The following DDX59 variants were observed in gnomAD, a reference collection of about 807,000 sequenced individuals.
DDX59 encodes DEAD-box helicase 59.
In DDX59, 30 loss-of-function variants were observed where a neutral mutation model predicts 51.9. The observed-to-expected ratio is 0.58, with a 90% CI of 0.43 to 0.78. The LOEUF is 0.78. Among genes scored for constraint, DDX59 ranks in the 30% least tolerant of loss-of-function variants. The pLI is 0.00. For synonymous variants in DDX59, 255 were observed against 253.3 expected (o/e 1.01, Z -0.06); for missense variants, 672 against 730.8 (o/e 0.92, Z 0.93).
chr1:200,660,576 G>A (rs999094500), intron 3 of DDX59, among the ~76,000 whole-genome samples: 2 of 151,806 alleles, frequency 1.3e-5, no homozygotes, highest in Admixed American at 6.6e-5. Context: ...AGGAGGATTG[G>A]TCAAATAAAT....
downstream of DDX59, among the ~76,000 whole-genome samples, chr1:200,643,363 G>A (rs1359928219): frequency 2.0e-5 from 3 of 152,132 alleles, no homozygotes; most frequent in Admixed American, 6.6e-5. Context: ...AAACAAGTAG[G>A]CCAGGCGTGG....
At chr1:200,654,197 A>T (rs1661857079) in intron 4 of DDX59, among the ~76,000 whole-genome samples, 1 of 152,114 alleles carries the variant, frequency 6.6e-6, no homozygotes, top group South Asian at 2.1e-4. Flanking sequence ...GCGGATCACG[A>T]GGTCAGGAGA....
intron 3 of DDX59, 123 bp from the exon 4 acceptor site, chr1:200,659,239 T>C: frequency 2.9e-6 from 2 of 684,102 alleles, no homozygotes; most frequent in Non-Finnish European, 2.6e-6. Flanking sequence ...AATTCAGTGA[T>C]GAATAAGCCA....
downstream of DDX59, among the ~76,000 whole-genome samples, chr1:200,641,643 C>G (rs961439011): frequency 5.9e-5 from 9 of 151,586 alleles, no homozygotes; most frequent in Middle Eastern, 3.4e-3. Flanking sequence ...CCAAGGTGGG[C>G]GGATCACCTG....
chr1:200,664,973 C>T (rs1045244500), intron 2 of DDX59, among the ~76,000 whole-genome samples: 6 of 152,214 alleles, frequency 3.9e-5, no homozygotes, highest in Non-Finnish European at 7.3e-5. Flanking sequence ...CTGTGCCCCG[C>T]CTTCCCCACA....
At chr1:200,667,702 A>G (rs1662862848) in intron 1 of DDX59, among the ~76,000 whole-genome samples, 2 of 152,212 alleles carry the variant, frequency 1.3e-5, no homozygotes, top group Admixed American at 1.3e-4. Context: ...GCCACAAATC[A>G]TAGAGAAAAT....
chr1:200,649,562 G>C (rs1661515836), intron 5 of DDX59, among the ~76,000 whole-genome samples: 1 of 144,558 alleles, frequency 6.9e-6, no homozygotes, highest in Admixed American at 7.1e-5. Context: ...CTGAGAGGTA[G>C]AGGTTGCAGT....
Position 200,644,331 on chromosome 1 carries a change from T to C in DDX59, c.1783A>G (p.Thr595Ala). The C allele has an allele frequency of 3.7e-6, 6 of 1,613,802 alleles. No homozygotes were observed. Among genetic ancestry groups the C allele is most frequent in the Non-Finnish European group, 5.1e-6 (6 of 1,179,874 alleles). The change falls in exon 8 of 8, where the codon ACA becomes GCA. Residue 595 changes from threonine (T) to alanine (A), a missense_variant. Physicochemically the swap from Thr to Ala is moderately conservative, Grantham distance 58. Transcript: ENST00000331314. ...KRKEQQKDKQ[T>A]QNDLVTGANL... ...GCTCCTGTAACCAGATCATTCTGTG[T>C]CTGTTTATCTTTCTGTTGTTCCTTT...
Position 200,644,076 on chromosome 1 carries a change from T to C in DDX59, c.*178A>G. The stretch of plus-strand genomic sequence containing the variant: ...CACTGTCTTTTATTTAATAATTCAT[T>C]TTCTGATGTTTTTAATTTATAAGAA... On this transcript the variant is annotated 3_prime_UTR_variant, in exon 8 of 8. Transcript: ENST00000331314. The C allele has an allele frequency of 8.9e-6, 5 of 559,012 alleles. No individual in the cohort carries two copies. Among genetic ancestry groups the C allele is most frequent in the Non-Finnish European group, 1.2e-5 (5 of 422,916 alleles). The allele number at this position is 559,012 out of a possible 1,614,324, so 34.6% of individuals were successfully genotyped here. A position where few individuals can be genotyped will look rare whatever the true frequency, so the allele number is the denominator to read the frequency against.
chr1:200,667,858 T>C (rs1001484035), intron 1 of DDX59, among the ~76,000 whole-genome samples: 2 of 151,958 alleles, frequency 1.3e-5, no homozygotes, highest in African/African-American at 2.4e-5. Context: ...GTATATTACA[T>C]AGAGTAATAT....
downstream of DDX59, among the ~76,000 whole-genome samples, chr1:200,642,737 T>C (rs1367030028): frequency 2.0e-5 from 3 of 152,184 alleles, no homozygotes; most frequent in Admixed American, 2.0e-4. Flanking sequence ...TATTGGGTAT[T>C]TGACATATGC....
chr1:200,667,269 C>T (rs892245494), intron 1 of DDX59, among the ~76,000 whole-genome samples: 7 of 152,094 alleles, frequency 4.6e-5, no homozygotes, highest in South Asian at 2.1e-4. Context: ...GGCATGGTGG[C>T]GCACACCTGT....
At chr1:200,653,418 G>A (rs1297123238) in intron 4 of DDX59, among the ~76,000 whole-genome samples, 2 of 152,090 alleles carry the variant, frequency 1.3e-5, no homozygotes, top group Non-Finnish European at 2.9e-5. Context: ...TAATCATCCT[G>A]TCAACCCACT....
rs556974179 is a variant in DDX59 at position 200,665,489 on chromosome 1, A to T, written c.804+448T>A. Among the ~76,000 whole-genome samples the T allele has an allele frequency of 3.1e-3, 398 of 130,158 alleles. 2 individuals carry two copies. Among genetic ancestry groups the T allele is most frequent in the African/African-American group, 0.011 (379 of 35,024 alleles). The allele number at this position is 130,158 out of a possible 152,430, so 85.4% of individuals were successfully genotyped here. A position where few individuals can be genotyped will look rare whatever the true frequency, so the allele number is the denominator to read the frequency against. On this transcript the variant is annotated intron_variant, in intron 2 of 7. Transcript: ENST00000331314. Reference sequence around the variant, plus strand: ...CAAGAGTGAAACTCGGTCCCAAAAAAAGAAAAAGAAAAAGAAAAAAAAAGT... The same window carrying T: ...CAAGAGTGAAACTCGGTCCCAAAAATAGAAAAAGAAAAAGAAAAAAAAAGT...
At chr1:200,655,915 C>T (rs35249716) in intron 4 of DDX59, among the ~76,000 whole-genome samples, 2 of 151,680 alleles carry the variant, frequency 1.3e-5, no homozygotes, top group Admixed American at 6.6e-5. Flanking sequence ...ACCGCAACCT[C>T]CACCTCCCGG....
chr1:200,644,005 CTGTT>C, downstream of DDX59: 1 of 397,010 alleles, frequency 2.5e-6, no homozygotes, highest in Non-Finnish European at 3.4e-6. Context: ...GCTCTGAGGA[CTGTT>C]TATTTTAAAA....
At chr1:200,650,357 A>C (rs1431221147) in intron 5 of DDX59, 68 bp downstream of exon 5, 2 of 1,461,518 alleles carry the variant, frequency 1.4e-6, no homozygotes, top group Non-Finnish European at 1.8e-6. Flanking sequence ...TCTCAAAATC[A>C]TTCTCTTAAG....
intron 4 of DDX59, among the ~76,000 whole-genome samples, chr1:200,656,110 G>T (rs1408767876): frequency 6.6e-6 from 1 of 152,204 alleles, no homozygotes; most frequent in Non-Finnish European, 1.5e-5. Flanking sequence ...GATTACAGGC[G>T]TGAGCCAACG....
In DDX59 at chr1:200,665,953, A is replaced by G. The variant is rs764756766; in HGVS notation, c.788T>C (p.Met263Thr). 6 of 1,608,198 alleles carry G rather than the reference A, an allele frequency of 3.7e-6. No homozygotes were observed. In the South Asian group the frequency reaches 5.6e-5, roughly 15 times the overall value. Residue 263 changes from methionine (M) to threonine (T), a missense_variant, in exon 2 of 8, where the codon ATG becomes ACG. Met to Thr is a moderately conservative substitution (Grantham distance 81). Coordinates refer to ENST00000331314, the MANE Select transcript of DDX59 (RefSeq NM_001031725.6). ...AACACTTACCTCGAATAAAGCTCGC[A>G]TGATAACAGGAAGAAGAAAAGCAGC... The part of the protein sequence containing the change: ...KTAAFLLPVI[M>T]RALFESKTPS...
Sources: allele counts gnomAD v4.1 joint callset (sites outside exome capture counted in the v4.1 genomes callset), GRCh38; gene constraint gnomAD v4.1.1; transcripts MANE v1.5; gene names NCBI Gene and HGNC (gene_info 2026-07-23, HGNC 2026-07-21).